EHBP1: variants seen among roughly 807,000 people sequenced by gnomAD.
The protein encoded by EHBP1 is EH domain-binding protein 1.
Under a neutral mutation model 144.0 loss-of-function variants are expected in EHBP1, and 55 were observed. That is an observed-to-expected ratio of 0.38 (90% CI 0.31 to 0.48). The LOEUF (loss-of-function observed/expected upper bound fraction) is 0.48, where lower values mean the gene tolerates loss of function less well. Among genes scored for constraint, EHBP1 ranks in the 20% least tolerant of loss-of-function variants. The probability of loss-of-function intolerance (pLI) is 0.98; values close to 1 mark genes in which losing one functional copy is unlikely to be tolerated. For synonymous variants in EHBP1, 469 were observed against 472.7 expected, an observed-to-expected ratio of 0.99 and a Z score of 0.10; for missense variants, 1,200 against 1,364.2, an observed-to-expected ratio of 0.88 and a Z score of 1.90.
In EHBP1 at chr2:62,678,923, T is replaced by A. The variant is rs113646397; in HGVS notation, c.-296+4840T>A. On this transcript the variant is annotated intron_variant, in intron 1 of 22. Transcript: ENST00000405015. Reference sequence around the variant, plus strand: ...ATTATTTTAAATTATTTTAAAGCCATGTTAATTTTAATTTATTTTGTTTTA... The same window carrying A: ...ATTATTTTAAATTATTTTAAAGCCAAGTTAATTTTAATTTATTTTGTTTTA... Among the ~76,000 whole-genome samples, 9 of 152,286 alleles carry A rather than the reference T, an allele frequency of 5.9e-5. No individual in the cohort carries two copies. In the South Asian group the frequency reaches 1.2e-3, roughly 21 times the overall value.
intron 19 of EHBP1, among the ~76,000 whole-genome samples, chr2:63,020,980 ATTTTTTTTTTTTT>A (rs761382729): frequency 1.2e-4 from 8 of 68,580 alleles, no homozygotes; most frequent in Non-Finnish European, 2.1e-4. Flanking sequence ...GCCTGGCCTC[ATTTTTTTTTTTTT>A]TTTTTTTTTT....
intron 1 of EHBP1, among the ~76,000 whole-genome samples, chr2:62,687,866 G>C (rs1572866320): frequency 1.3e-5 from 2 of 152,142 alleles, no homozygotes; most frequent in East Asian, 3.8e-4. Context: ...TAGTAAGAGT[G>C]AGTCAGTCCC....
In EHBP1 at chr2:62,745,411, A is replaced by G. The variant is rs186847486; in HGVS notation, c.105-1984A>G. Among the ~76,000 whole-genome samples, 482 of 152,100 alleles carry G rather than the reference A, an allele frequency of 3.2e-3. 3 individuals are homozygous for G. Among genetic ancestry groups the G allele is most frequent in the African/African-American group, 0.011 (458 of 41,518 alleles). On this transcript the variant is annotated intron_variant, in intron 2 of 22. Transcript: ENST00000431489. ...AATGGGTGGGAGGGGATGGGGCAGG[A>G]GATGACATGAGAAATGGTCAGGGTT...
At position 63,038,787 on chromosome 2, in the gene EHBP1, G is replaced by A. The variant is rs1380147164; in HGVS notation, c.3248G>A (p.Arg1083Gln). 3.7e-6 allele frequency: 6 copies of A among 1,613,276 alleles called. No individual in the cohort carries two copies. Among genetic ancestry groups the A allele is most frequent in the African/African-American group, 2.7e-5 (2 of 74,868 alleles). The change falls in exon 21 of 23, where the codon CGG (arginine) becomes CAG (glutamine). Residue 1083 changes from arginine to glutamine, a missense_variant. Physicochemically the swap from Arg to Gln is conservative, Grantham distance 43 (BLOSUM62 1). This residue lies in a region of EHBP1 where 149 missense variants were observed against 217.0 expected (regional missense o/e 0.69). Coordinates refer to ENST00000431489, the MANE Select transcript of EHBP1 (RefSeq NM_001142616.3). ...GAACGACGGTATGAGCTGCTGAACC[G>A]GGAATTGAGGGCAATGCTAGCCATT... is the stretch of plus-strand genomic sequence containing the variant. ...DLERRYELLNRELRAMLAIED... is the reference protein window; with the variant it reads ...DLERRYELLNQELRAMLAIED...
chr2:62,713,496 A>C lies in EHBP1; in HGVS notation c.104+6201A>C, dbSNP rs1291145767. ...TGTCCTCAAATGATCTGCCCACCTC[A>C]GCCTCCCAAAGTACTGGGATTACAG... On this transcript the variant is annotated intron_variant, in intron 2 of 22. Transcript: ENST00000431489. 3.9e-5 allele frequency among the ~76,000 whole-genome samples: 6 copies of C among 152,156 alleles called. No individual in the cohort carries two copies. In the East Asian group the frequency reaches 1.2e-3, roughly 29 times the overall value.
intron 19 of EHBP1, among the ~76,000 whole-genome samples, chr2:63,016,331 C>T (rs1310282152): frequency 6.6e-6 from 1 of 151,732 alleles, no homozygotes; most frequent in African/African-American, 2.4e-5. Flanking sequence ...TTACCTAACT[C>T]CAAGAATGCA....
rs570439385 is a variant in EHBP1, at chr2:62,841,423, T to C, written c.634+10265T>C. Among the ~76,000 whole-genome samples the C allele has an allele frequency of 2.6e-3, 398 of 151,884 alleles. 1 individual carries two copies. Among genetic ancestry groups the C allele is most frequent in the African/African-American group, 9.0e-3 (372 of 41,396 alleles). On this transcript the variant is annotated intron_variant, in intron 7 of 22. Coordinates refer to ENST00000431489, the MANE Select transcript of EHBP1 (RefSeq NM_001142616.3). ...AGTTAGTGGGTGCAGTGCACCAGCA[T>C]GGCACATGTATACATATGTAACTAA... is the stretch of plus-strand genomic sequence containing the variant.
chr2:62,810,156 G>T (rs2044866271), intron 5 of EHBP1, among the ~76,000 whole-genome samples: 3 of 152,188 alleles, frequency 2.0e-5, no homozygotes, highest in Non-Finnish European at 4.4e-5. Flanking sequence ...GTATCAACAA[G>T]TTGGTAAAGT....
At chr2:62,980,890 C>G (rs1202129474) in intron 15 of EHBP1, among the ~76,000 whole-genome samples, 3 of 145,066 alleles carry the variant, frequency 2.1e-5, no homozygotes, top group African/African-American at 7.6e-5. Context: ...CTTCAACCAA[C>G]TCACGCCCAC....
chr2:62,841,591 C>G (rs918888592), intron 7 of EHBP1, among the ~76,000 whole-genome samples: 11 of 152,094 alleles, frequency 7.2e-5, no homozygotes, highest in Non-Finnish European at 1.5e-4. Context: ...TCCCTCCAAC[C>G]CCATTGGCTA....
rs762585471 is a variant in EHBP1 at position 62,864,610 on chromosome 2, C to G, written c.758-121C>G. The G allele has an allele frequency of 4.7e-5, 43 of 910,890 alleles. 1 individual carries two copies. Among genetic ancestry groups the G allele is most frequent in the Non-Finnish European group, 7.0e-5 (43 of 612,906 alleles). 56.4% of individuals were successfully genotyped at this position (910,890 alleles called of 1,614,324 possible). On this transcript the variant is annotated intron_variant, in intron 8 of 22. Coordinates refer to ENST00000431489, the MANE Select transcript of EHBP1 (RefSeq NM_001142616.3). ...ATATTATTGTTTTATTATTGCTTTG[C>G]TCTTTCTCAGCCCCATAGAGCTTAT... is the stretch of plus-strand genomic sequence containing the variant.
chr2:62,905,770 G>C (rs2053759841), intron 10 of EHBP1, among the ~76,000 whole-genome samples: 1 of 152,046 alleles, frequency 6.6e-6, no homozygotes, highest in Admixed American at 6.5e-5. Context: ...GTTGAAGTGA[G>C]CCGAGATCAA....
At chr2:62,850,798 A>T (rs1415182253) in intron 7 of EHBP1, among the ~76,000 whole-genome samples, 2 of 152,142 alleles carry the variant, frequency 1.3e-5, no homozygotes, top group African/African-American at 2.4e-5. Context: ...TTTTAAGTTA[A>T]TTTTTTCCGA....
At position 63,045,497 on chromosome 2, in the gene EHBP1, G is replaced by A. The variant is rs1407212633; in HGVS notation, c.3480G>A (p.Gln1160=). The A allele has an allele frequency of 6.2e-7, 1 of 1,611,758 alleles. No homozygotes were observed. The highest frequency in any genetic ancestry group is 1.3e-5 in the African/African-American group (1 of 74,908). ...AGAAAGAGGAGAAATGTGTTCTTCA[G>A]TAGCCATCAGATCAGAAAGAATCTC... ...MAKKEEKCVL[Q] is the part of the protein sequence containing the mutation. Residue 1160 remains glutamine, a synonymous_variant, in exon 23 of 23, where the codon CAG becomes CAA. Transcript: ENST00000431489. The surrounding 1 kb of genome is among the most constrained non-coding windows in gnomAD (Gnocchi z 5.7).
intron 3 of EHBP1, among the ~76,000 whole-genome samples, chr2:62,750,026 G>T (rs2039529632): frequency 6.6e-6 from 1 of 152,130 alleles, no homozygotes. Flanking sequence ...TGTTGCCATT[G>T]CTTTTGGTGT....
At chr2:63,039,020 A>G (rs1489251517) in intron 21 of EHBP1, among the ~76,000 whole-genome samples, 2 of 152,228 alleles carry the variant, frequency 1.3e-5, no homozygotes, top group Admixed American at 1.3e-4. Context: ...TTTGCTATTA[A>G]TAGTAGCACA....
At chr2:62,961,713 C>T (rs1465253863) in intron 14 of EHBP1, among the ~76,000 whole-genome samples, 1 of 152,064 alleles carries the variant, frequency 6.6e-6, no homozygotes, top group Non-Finnish European at 1.5e-5. Flanking sequence ...TTCTTTATTA[C>T]TCCATTTCCC....
At chr2:62,972,834 C>T (rs2058556558) in intron 14 of EHBP1, among the ~76,000 whole-genome samples, 1 of 152,132 alleles carries the variant, frequency 6.6e-6, no homozygotes, top group Non-Finnish European at 1.5e-5. Flanking sequence ...TGAGTTGTAA[C>T]CTGCCCTTGC....
At chr2:62,674,367 A>G (rs1161340226) in intron 1 of EHBP1, among the ~76,000 whole-genome samples, 3 of 152,244 alleles carry the variant, frequency 2.0e-5, no homozygotes, top group Non-Finnish European at 4.4e-5. Context: ...GCTCCCACTA[A>G]AAACATGCAT....
Sources: gnomAD v4.1 joint callset for allele counts (sites outside exome capture counted in the v4.1 genomes callset) on GRCh38, gnomAD v4.1.1 for gene constraint, gnomAD v4.1.1 regional missense constraint, Gnocchi (gnomAD v3.1) non-coding constraint, MANE v1.5 for transcripts, NCBI Gene and HGNC (gene_info 2026-07-23, HGNC 2026-07-21) for gene names.